The following CCSER2 variants were observed in gnomAD, a reference collection of about 807,000 sequenced individuals.
CCSER2 encodes serine-rich coiled-coil domain-containing protein 2.
A neutral mutation model predicts 92.3 loss-of-function variants in CCSER2; 46 were observed. That is an observed-to-expected ratio of 0.50 (90% CI 0.39 to 0.64). The LOEUF (loss-of-function observed/expected upper bound fraction) is 0.64. Ranked by LOEUF, CCSER2 falls within the 30% of genes least tolerant of loss-of-function variation. The pLI is 0.00. For synonymous variants in CCSER2, 433 were observed against 431.4 expected (o/e 1.00, Z -0.04); for missense variants, 1,244 against 1,238.9 (o/e 1.00, Z -0.06).
chr10:84,372,632 T>C (rs1163174345), intron 2 of CCSER2, among the ~76,000 whole-genome samples, 163 bp downstream of exon 2: 2 of 152,154 alleles, frequency 1.3e-5, no homozygotes, highest in Non-Finnish European at 2.9e-5. Flanking sequence ...CTGTGACTTT[T>C]GCTCCATACC....
At chr10:84,475,184 A>G (rs1368295233) in intron 8 of CCSER2, among the ~76,000 whole-genome samples, 2 of 149,498 alleles carry the variant, frequency 1.3e-5, no homozygotes, top group Non-Finnish European at 2.9e-5. Flanking sequence ...GTCCCTTCCT[A>G]AGCATAGAGG....
rs1160023857 is a variant in CCSER2 at position 84,495,162 on chromosome 10, TCA to T, written c.2325+17499_2325+17500del. ...ATACATTATGTATTTTCTTTTGCAT[TCA>T]GTTTGATATGGTTTTTTTTTTTTTT... On this transcript the variant is annotated intron_variant, in intron 9 of 9. Transcript: ENST00000372088. Among the ~76,000 whole-genome samples, 4 of 150,272 alleles carry T rather than the reference TCA, an allele frequency of 2.7e-5. No individual in the cohort carries two copies. In the South Asian group the frequency reaches 6.3e-4, roughly 24 times the overall value.
At chr10:84,335,296 A>G (rs1843775969) in intron 1 of CCSER2, among the ~76,000 whole-genome samples, 1 of 128,732 alleles carries the variant, frequency 7.8e-6, no homozygotes, top group Non-Finnish European at 1.5e-5. Context: ...TGGTGTCATC[A>G]TGGCTCACTG....
At chr10:84,464,086 A>G (rs947754883) in intron 7 of CCSER2, 70 bp downstream of exon 7, 2 of 766,330 alleles carry the variant, frequency 2.6e-6, no homozygotes, top group South Asian at 1.7e-5. Flanking sequence ...TACAATGACA[A>G]TGAAAACAAT....
Position 84,484,811 on chromosome 10 carries a change from T to C in CCSER2, c.2325+7147T>C, listed in dbSNP as rs1316015766. On this transcript the variant is annotated intron_variant, in intron 9 of 9. Coordinates refer to ENST00000372088, the MANE Select transcript of CCSER2 (RefSeq NM_001284240.2). The stretch of plus-strand genomic sequence containing the variant: ...AATTTATGACAACACAAGAATTCTT[T>C]TATGTTTGTCATTTCTTCTATTTTT... 4.6e-5 allele frequency among the ~76,000 whole-genome samples: 7 copies of C among 152,348 alleles called. No homozygotes were observed. The South Asian group carries it at 1.0e-3, about 23-fold the overall frequency.
At chr10:84,457,658 A>C (rs1845845408) in intron 6 of CCSER2, among the ~76,000 whole-genome samples, 1 of 112,862 alleles carries the variant, frequency 8.9e-6, no homozygotes, top group Non-Finnish European at 1.7e-5. Flanking sequence ...TAATTATATT[A>C]TTTTTAATTT....
intron 1 of CCSER2, among the ~76,000 whole-genome samples, chr10:84,361,885 C>T (rs565793218): frequency 6.6e-5 from 10 of 152,312 alleles, no homozygotes; most frequent in African/African-American, 2.2e-4. Context: ...GGTGATCCGC[C>T]CACCTCGGCC....
intron 9 of CCSER2, among the ~76,000 whole-genome samples, chr10:84,490,760 C>T (rs1848111628): frequency 6.6e-6 from 1 of 152,246 alleles, no homozygotes; most frequent in Non-Finnish European, 1.5e-5. Context: ...ATTCTCCGTC[C>T]AGCTTTGTTC....
At chr10:84,463,307 A>G (rs533837647) in intron 6 of CCSER2, among the ~76,000 whole-genome samples, 92 of 152,314 alleles carry the variant, frequency 6.0e-4, no homozygotes, top group Non-Finnish European at 4.4e-4. Flanking sequence ...CCGTACACTC[A>G]GGACATAGAA....
chr10:84,346,760 T>TTATATA lies in CCSER2; in HGVS notation c.-40+17964_-40+17969dup, dbSNP rs767734162. 1.2e-3 allele frequency among the ~76,000 whole-genome samples: 121 copies of TTATATA among 98,012 alleles called. 1 individual carries two copies. Among genetic ancestry groups the TTATATA allele is most frequent in the African/African-American group, 3.8e-3 (117 of 30,658 alleles). 64.3% of individuals were successfully genotyped at this position (98,012 alleles called of 152,430 possible). ...CTTGGCAATCCTCATTTCTTTTTTT[T>TTATATA]TATATATATATATATATTTATTTAT... On this transcript the variant is annotated intron_variant, in intron 1 of 9. Coordinates refer to ENST00000372088, the MANE Select transcript of CCSER2 (RefSeq NM_001284240.2).
intron 5 of CCSER2, 41 bp from the exon 6 acceptor site, chr10:84,438,471 T>C (rs1844321906): frequency 1.9e-6 from 2 of 1,030,352 alleles, no homozygotes; most frequent in Non-Finnish European, 2.9e-6. Context: ...TGAAATTGTA[T>C]TGTATATCTT....
chr10:84,349,255 A>G (rs1220055102), intron 1 of CCSER2, among the ~76,000 whole-genome samples: 1 of 152,234 alleles, frequency 6.6e-6, no homozygotes, highest in Non-Finnish European at 1.5e-5. Flanking sequence ...AGAAAATGAC[A>G]GCACAATCCC....
At chr10:84,353,800 T>C (rs1188481408) in intron 1 of CCSER2, among the ~76,000 whole-genome samples, 1 of 152,180 alleles carries the variant, frequency 6.6e-6, no homozygotes, top group Non-Finnish European at 1.5e-5. Flanking sequence ...GGTGGGATCT[T>C]GTTCCAAATA....
chr10:84,514,328 T>A lies in CCSER2; in HGVS notation c.*61T>A. The stretch of plus-strand genomic sequence containing the variant: ...AACAATCTCTTCTGTAATAGCTTTA[T>A]GTGCAGCTTGCAGCTTGCTACTGTG... On this transcript the variant is annotated 3_prime_UTR_variant, in exon 10 of 10. Transcript: ENST00000372088. The A allele has an allele frequency of 8.4e-7, 1 of 1,191,424 alleles. No individual in the cohort carries two copies. Among genetic ancestry groups the A allele is most frequent in the Non-Finnish European group, 1.2e-6 (1 of 862,024 alleles). 73.8% of individuals were successfully genotyped at this position (1,191,424 alleles called of 1,614,324 possible).
At chr10:84,370,723 TGTAA>T (rs1206124964) in intron 1 of CCSER2, among the ~76,000 whole-genome samples, 5 of 152,318 alleles carry the variant, frequency 3.3e-5, no homozygotes, top group South Asian at 2.1e-4. Flanking sequence ...AGAAGTACTC[TGTAA>T]GTATTATTTT....
chr10:84,349,307 T>C (rs924470205), intron 1 of CCSER2, among the ~76,000 whole-genome samples: 2 of 152,214 alleles, frequency 1.3e-5, no homozygotes, highest in Non-Finnish European at 2.9e-5. Context: ...ATTTGGTTTC[T>C]CTTTTAACTT....
intron 9 of CCSER2, among the ~76,000 whole-genome samples, chr10:84,498,601 C>T (rs562387381): frequency 1.3e-5 from 2 of 152,078 alleles, no homozygotes; most frequent in African/African-American, 4.8e-5. Flanking sequence ...TCATTTCAGA[C>T]CCTTCATAAG....
intron 3 of CCSER2, among the ~76,000 whole-genome samples, chr10:84,377,864 T>G (rs1273318183): frequency 6.6e-6 from 1 of 152,234 alleles, no homozygotes; most frequent in East Asian, 1.9e-4. Context: ...TTTTATAATT[T>G]TATGAGTTTT....
chr10:84,440,658 T>C (rs1844474781), intron 6 of CCSER2, among the ~76,000 whole-genome samples: 1 of 152,202 alleles, frequency 6.6e-6, no homozygotes. Flanking sequence ...TCTTCTTTCT[T>C]CCTAGTTTAT....
Sources: gnomAD v4.1 joint callset for allele counts (sites outside exome capture counted in the v4.1 genomes callset) on GRCh38, gnomAD v4.1.1 for gene constraint, MANE v1.5 for transcripts, NCBI Gene and HGNC (gene_info 2026-07-23, HGNC 2026-07-21) for gene names.